ZNF586: variants seen among roughly 807,000 people sequenced by gnomAD.
The protein encoded by ZNF586 is zinc finger protein 586.
Under a neutral mutation model 6.7 loss-of-function variants are expected in ZNF586, and 7 were observed. That is an observed-to-expected ratio of 1.04 (90% CI 0.59 to 1.95). ZNF586 has a LOEUF of 1.95. Ranked by LOEUF, ZNF586 falls within the 30% of genes most tolerant of loss-of-function variation. ZNF586 has a pLI of 0.00. For synonymous variants in ZNF586, 166 were observed against 168.7 expected, an observed-to-expected ratio of 0.98 and a Z score of 0.12; for missense variants, 442 against 489.6, an observed-to-expected ratio of 0.90 and a Z score of 0.92.
intron 2 of ZNF586, 81 bp downstream of exon 2, chr19:57,776,750 C>A: frequency 7.0e-7 from 1 of 1,434,518 alleles, no homozygotes; most frequent in South Asian, 1.5e-5. Context: ...CACACCAGGA[C>A]CATGGACACA....
At chr19:57,771,122 A>G (rs1987085046) in intron 1 of ZNF586, among the ~76,000 whole-genome samples, 1 of 151,976 alleles carries the variant, frequency 6.6e-6, no homozygotes, top group East Asian at 1.9e-4. Flanking sequence ...TAACACGGTG[A>G]AATCCCCCCT....
At position 57,778,737 on chromosome 19, in the gene ZNF586, T is replaced by A; in HGVS notation, c.164-14T>A. 1 of 1,588,894 alleles carries A rather than the reference T, an allele frequency of 6.3e-7. No individual in the cohort carries two copies. Among genetic ancestry groups the A allele is most frequent in the Non-Finnish European group, 8.6e-7 (1 of 1,167,558 alleles). ...AAGTCAACATGTACCTCACCAGCAT[T>A]TCTTTGCTTTTAGGTTGTTGGCATG... On this transcript the variant is annotated splice_polypyrimidine_tract_variant and intron_variant, in intron 2 of 2. Transcript: ENST00000396154.
chr19:57,769,958 G>T lies in ZNF586; in HGVS notation c.36+80G>T, dbSNP rs1223116040. On this transcript the variant is annotated intron_variant, in intron 1 of 2. Transcript: ENST00000396154. ...CCCTGATCGTGAGGGCCGCCTCCTC[G>T]CGTCCCTGCAGCCCAGGCCTCTGTC... 11 of 1,118,304 alleles carry T rather than the reference G, an allele frequency of 9.8e-6. No individual in the cohort carries two copies. The African/African-American group carries it at 1.7e-4, about 18-fold the overall frequency. 69.3% of individuals were successfully genotyped at this position (1,118,304 alleles called of 1,614,324 possible).
chr19:57,776,731 T>A, intron 2 of ZNF586, 62 bp downstream of exon 2: 1 of 1,507,188 alleles, frequency 6.6e-7, no homozygotes, highest in Non-Finnish European at 8.9e-7. Context: ...TTATGCCTTA[T>A]CTCTTTCTCA....
Position 57,779,786 on chromosome 19 carries a change from C to T in ZNF586, c.1199C>T (p.Pro400Leu). 1 of 1,573,056 alleles carries T rather than the reference C, an allele frequency of 6.4e-7. No homozygotes were observed. Among genetic ancestry groups the T allele is most frequent in the South Asian group, 1.2e-5 (1 of 84,558 alleles). ...RHQRVHTGMR[P>L]YK Reference sequence around the variant, plus strand: ...CAGAGAGTTCATACTGGAATGAGGCCTTATAAGTGAAGCAAATTTTGGAAA... The same window carrying T: ...CAGAGAGTTCATACTGGAATGAGGCTTTATAAGTGAAGCAAATTTTGGAAA... Residue 400 changes from proline (P) to leucine (L), a missense_variant, in exon 3 of 3, where the codon CCT (proline) becomes CTT (leucine). Pro to Leu is a moderately conservative substitution (Grantham distance 98). Coordinates refer to ENST00000396154, the MANE Select transcript of ZNF586 (RefSeq NM_017652.4).
chr19:57,771,540 G>A (rs1450000278), intron 1 of ZNF586, among the ~76,000 whole-genome samples: 1 of 152,162 alleles, frequency 6.6e-6, no homozygotes, highest in Non-Finnish European at 1.5e-5. Flanking sequence ...ATGGGGAGTT[G>A]TTGCTATGTC....
intron 2 of ZNF586, among the ~76,000 whole-genome samples, chr19:57,778,434 G>A (rs770686895): frequency 6.6e-6 from 1 of 152,026 alleles, no homozygotes; most frequent in Non-Finnish European, 1.5e-5. Flanking sequence ...AGTCATGTTG[G>A]GGGGGGCCTG....
intron 2 of ZNF586, among the ~76,000 whole-genome samples, chr19:57,778,485 G>T (rs1443995115): frequency 6.6e-6 from 1 of 152,112 alleles, no homozygotes; most frequent in Admixed American, 6.6e-5. Flanking sequence ...AGCAAATAAG[G>T]TTCCACAGGC....
chr19:57,773,888 G>C (rs1031730795), intron 1 of ZNF586, among the ~76,000 whole-genome samples: 6 of 152,158 alleles, frequency 3.9e-5, no homozygotes, highest in Non-Finnish European at 7.3e-5. Context: ...ATGACCAGTG[G>C]TTCTGGGCTT....
Position 57,779,857 on chromosome 19 carries a change from A to C in ZNF586, c.*61A>C, listed in dbSNP as rs1343832976. 2 of 1,411,138 alleles carry C rather than the reference A, an allele frequency of 1.4e-6. No individual in the cohort carries two copies. The highest frequency in any genetic ancestry group is 1.9e-6 in the Non-Finnish European group (2 of 1,033,772). 87.4% of individuals were successfully genotyped at this position (1,411,138 alleles called of 1,614,324 possible). A position where few individuals can be genotyped will look rare whatever the true frequency, so the allele number is the denominator to read the frequency against. ...GCTCCTTCAAGGCCAGAGAGTTCAC[A>C]CCAGATCAAGGTGTTATGAGTGTGA... On this transcript the variant is annotated 3_prime_UTR_variant, in exon 3 of 3. Transcript: ENST00000396154.
At chr19:57,774,533 A>T (rs200485618) in intron 1 of ZNF586, among the ~76,000 whole-genome samples, 1 of 62,256 alleles carries the variant, frequency 1.6e-5, no homozygotes, top group East Asian at 4.5e-4. Flanking sequence ...CAAAAATATA[A>T]ATAAATAAAT....
At position 57,779,325 on chromosome 19, in the gene ZNF586, C is replaced by T; in HGVS notation, c.738C>T (p.Asn246=). 1.2e-6 allele frequency: 2 copies of T among 1,613,826 alleles called. No individual in the cohort carries two copies. The highest frequency in any genetic ancestry group is 1.7e-6 in the Non-Finnish European group (2 of 1,179,974). The change falls in exon 3 of 3, where the codon AAC becomes AAT. Residue 246 remains asparagine (N), a synonymous_variant. Transcript: ENST00000396154. ...CSECGRSFAE[N]SSLIKHLRVH... is the part of the protein sequence containing the mutation. ...AATGTGGGAGATCCTTTGCTGAAAA[C>T]TCCAGTCTTATTAAACACTTGAGAG...
chr19:57,770,510 G>A (rs1987069723), intron 1 of ZNF586, among the ~76,000 whole-genome samples: 1 of 152,194 alleles, frequency 6.6e-6, no homozygotes, highest in Admixed American at 6.5e-5. Flanking sequence ...TTTGAACAAA[G>A]GAGGAAATCT....
intron 1 of ZNF586, among the ~76,000 whole-genome samples, chr19:57,773,998 G>C (rs990770213): frequency 6.6e-6 from 1 of 151,034 alleles, no homozygotes; most frequent in Non-Finnish European, 1.5e-5. Flanking sequence ...GGCAGATCAC[G>C]TGAGGCCGGG....
intron 1 of ZNF586, among the ~76,000 whole-genome samples, chr19:57,775,011 T>G (rs1266873865): frequency 2.0e-5 from 3 of 151,800 alleles, no homozygotes; most frequent in Non-Finnish European, 4.4e-5. Context: ...TTCTTTTTTT[T>G]TTTTTTGAGA....
intron 1 of ZNF586, among the ~76,000 whole-genome samples, chr19:57,770,492 T>C (rs925781220): frequency 6.6e-6 from 1 of 152,300 alleles, no homozygotes; most frequent in East Asian, 1.9e-4. Context: ...CTAAAAGCCA[T>C]GGACAGTTTT....
At chr19:57,776,316 G>A (rs1474515190) in intron 1 of ZNF586, among the ~76,000 whole-genome samples, 1 of 152,156 alleles carries the variant, frequency 6.6e-6, no homozygotes, top group Non-Finnish European at 1.5e-5. Flanking sequence ...TTTATTTCAG[G>A]ACCACAGCAT....
chr19:57,771,300 G>GAA, intron 1 of ZNF586, among the ~76,000 whole-genome samples: 1 of 133,810 alleles, frequency 7.5e-6, no homozygotes, highest in Admixed American at 7.5e-5. Flanking sequence ...GACTCCGTCT[G>GAA]AAAAAAAAAA....
intron 2 of ZNF586, among the ~76,000 whole-genome samples, chr19:57,778,335 A>G (rs1453985527): frequency 6.6e-6 from 1 of 152,092 alleles, no homozygotes; most frequent in African/African-American, 2.4e-5. Flanking sequence ...TCGGCCTCGC[A>G]AAGTGCTGGG....
Sources: gnomAD v4.1 joint callset for allele counts (sites outside exome capture counted in the v4.1 genomes callset) on GRCh38, gnomAD v4.1.1 for gene constraint, MANE v1.5 for transcripts, NCBI Gene and HGNC (gene_info 2026-07-23, HGNC 2026-07-21) for gene names.